AGAP1: variants seen among roughly 807,000 people sequenced by gnomAD.
The protein encoded by AGAP1 is ArfGAP with GTPase domain, ankyrin repeat and PH domain 1.
AGAP1 carries 29 observed loss-of-function variants against 105.3 expected under a neutral mutation model. The ratio of observed to expected loss-of-function variants is 0.28; its 90% CI spans 0.21 to 0.38. AGAP1 has a LOEUF of 0.38. Ranked by LOEUF, AGAP1 falls within the 10% of genes least tolerant of loss-of-function variation. The probability of loss-of-function intolerance (pLI) is 1.00; values close to 1 mark genes in which losing one functional copy is unlikely to be tolerated. For synonymous variants in AGAP1, 509 were observed against 485.9 expected, an observed-to-expected ratio of 1.05 and a Z score of -0.63; for missense variants, 998 against 1,165.1, an observed-to-expected ratio of 0.86 and a Z score of 2.09.
intron 1 of AGAP1, among the ~76,000 whole-genome samples, chr2:235,694,410 C>T (rs1212000643): frequency 6.8e-6 from 1 of 147,372 alleles, no homozygotes; most frequent in Non-Finnish European, 1.5e-5. Flanking sequence ...ACACGGGAGG[C>T]AGAGCTTGCA....
At chr2:235,564,116 T>C (rs1944260409) in intron 1 of AGAP1, among the ~76,000 whole-genome samples, 1 of 152,124 alleles carries the variant, frequency 6.6e-6, no homozygotes, top group Non-Finnish European at 1.5e-5. Flanking sequence ...TCAATGTACG[T>C]TTTTTCTTTA....
intron 1 of AGAP1, among the ~76,000 whole-genome samples, chr2:235,539,417 C>G (rs2149091640): frequency 6.6e-6 from 1 of 152,346 alleles, no homozygotes; most frequent in Non-Finnish European, 1.5e-5. Flanking sequence ...TGGGTCTCAT[C>G]CCTGCCTAGC....
chr2:236,031,075 G>A (rs1017922909), intron 13 of AGAP1, among the ~76,000 whole-genome samples: 1 of 152,184 alleles, frequency 6.6e-6, no homozygotes, highest in African/African-American at 2.4e-5. Context: ...AATTTGATAT[G>A]AGGACAAAGT....
chr2:235,700,347 C>T lies in AGAP1; in HGVS notation c.164-8832C>T, dbSNP rs962431746. Among the ~76,000 whole-genome samples the T allele has an allele frequency of 3.3e-5, 5 of 152,146 alleles. No individual in the cohort carries two copies. The highest frequency in any genetic ancestry group is 1.9e-4 in the East Asian group (1 of 5,198). On this transcript the variant is annotated intron_variant, in intron 1 of 17. Coordinates refer to ENST00000304032, the MANE Select transcript of AGAP1 (RefSeq NM_001037131.3). The surrounding 1 kb of genome is among the most constrained non-coding windows in gnomAD (Gnocchi z 6.1). ...AGGAAAGGGCAATTTTCTTCCTTGC[C>T]GTTTTGACTTTCAAATCCTCACGCC...
chr2:235,548,635 A>G (rs2149109802), intron 1 of AGAP1, among the ~76,000 whole-genome samples: 1 of 143,264 alleles, frequency 7.0e-6, no homozygotes, highest in East Asian at 2.1e-4. Context: ...CCTGGGCAAA[A>G]AGTGCGAAAC....
chr2:235,920,583 C>T (rs759154211), intron 11 of AGAP1, among the ~76,000 whole-genome samples: 1 of 152,156 alleles, frequency 6.6e-6, no homozygotes. Flanking sequence ...AAGCACTTCA[C>T]TAGTTGATGG....
rs1327581918 is a variant in AGAP1 at position 235,535,992 on chromosome 2, G to A, written c.163+41143G>A. ...CTCTCCCAGAGCCGGCCTCACCTTC[G>A]AGACTCATGCTACTAAGTTGTCTTT... On this transcript the variant is annotated intron_variant, in intron 1 of 17. Coordinates refer to ENST00000304032, the MANE Select transcript of AGAP1 (RefSeq NM_001037131.3). The surrounding 1 kb of genome is among the most constrained non-coding windows in gnomAD (Gnocchi z 5.1). Among the ~76,000 whole-genome samples, 1 of 151,922 alleles carries A rather than the reference G, an allele frequency of 6.6e-6. No individual in the cohort carries two copies. The highest frequency in any genetic ancestry group is 1.5e-5 in the Non-Finnish European group (1 of 68,002).
intron 1 of AGAP1, among the ~76,000 whole-genome samples, chr2:235,674,213 G>A (rs1303827886): frequency 2.0e-5 from 3 of 152,288 alleles, no homozygotes. Context: ...TCTGTGTAAG[G>A]CTTGCAACTG....
At chr2:236,094,806 G>A (rs755923797) in intron 16 of AGAP1, among the ~76,000 whole-genome samples, 4 of 151,744 alleles carry the variant, frequency 2.6e-5, no homozygotes, top group Non-Finnish European at 5.9e-5. Context: ...AAATTGATCT[G>A]GGCAACAGTG....
chr2:235,749,344 C>T (rs1164910189), intron 5 of AGAP1, among the ~76,000 whole-genome samples: 1 of 151,458 alleles, frequency 6.6e-6, no homozygotes, highest in East Asian at 1.9e-4. Flanking sequence ...ATGGATGGGG[C>T]AGGGCTGGGG....
At position 235,692,640 on chromosome 2, in the gene AGAP1, C is replaced by T. The variant is rs994622800; in HGVS notation, c.164-16539C>T. ...CAGTGCCTAGCCAGTGGGTTCCCCT[C>T]GCTGACCCTCAGCCCTCAGGCCCAG... is the stretch of plus-strand genomic sequence containing the variant. On this transcript the variant is annotated intron_variant, in intron 1 of 17. Coordinates refer to ENST00000304032, the MANE Select transcript of AGAP1 (RefSeq NM_001037131.3). This position sits in a 1 kb window ranked among gnomAD's most constrained non-coding sequence, Gnocchi z 5.8. 5.9e-5 allele frequency among the ~76,000 whole-genome samples: 9 copies of T among 152,084 alleles called. No homozygotes were observed. The highest frequency in any genetic ancestry group is 1.3e-4 in the Admixed American group (2 of 15,266).
intron 12 of AGAP1, among the ~76,000 whole-genome samples, chr2:235,943,497 A>G (rs567783992): frequency 3.3e-5 from 5 of 151,664 alleles, no homozygotes; most frequent in African/African-American, 9.7e-5. Context: ...TTACAGCCGC[A>G]TGCCACTATG....
chr2:235,594,484 T>A (rs974820026), intron 1 of AGAP1, among the ~76,000 whole-genome samples: 1 of 152,110 alleles, frequency 6.6e-6, no homozygotes, highest in African/African-American at 2.4e-5. Flanking sequence ...CTCTGATGGG[T>A]AGAGCATCTC....
rs1165357816 is a variant in AGAP1 at position 235,993,418 on chromosome 2, CAG to C, written c.1645+24796_1645+24797del. Among the ~76,000 whole-genome samples the C allele has an allele frequency of 1.3e-5, 2 of 152,224 alleles. No homozygotes were observed. The highest frequency in any genetic ancestry group is 4.1e-4 in the South Asian group (2 of 4,826). ...TCCTGGTGTCCCTGAAAGTCCAGCA[CAG>C]TGTGTGCACGTGGTATGTCCCTGAT... is the stretch of plus-strand genomic sequence containing the variant. On this transcript the variant is annotated intron_variant, in intron 13 of 17. Transcript: ENST00000304032. This position sits in a 1 kb window ranked among gnomAD's most constrained non-coding sequence, Gnocchi z 5.0.
At chr2:235,594,562 A>G (rs375510944) in intron 1 of AGAP1, among the ~76,000 whole-genome samples, 2 of 152,086 alleles carry the variant, frequency 1.3e-5, no homozygotes, top group African/African-American at 2.4e-5. Context: ...TGACAATATG[A>G]TGCGGAGTTT....
intron 9 of AGAP1, among the ~76,000 whole-genome samples, chr2:235,858,451 G>C (rs1297383288): frequency 6.6e-6 from 1 of 152,118 alleles, no homozygotes; most frequent in African/African-American, 2.4e-5. Context: ...TTTCAAGTTG[G>C]CAAATTGATG....
Position 235,957,375 on chromosome 2 carries a change from G to A in AGAP1, c.1484-11087G>A, listed in dbSNP as rs111640907. Among the ~76,000 whole-genome samples the A allele has an allele frequency of 3.3e-5, 5 of 152,040 alleles. No individual in the cohort carries two copies. Among genetic ancestry groups the A allele is most frequent in the Non-Finnish European group, 5.9e-5 (4 of 68,014 alleles). ...CTCCTATTGTATTCCTTTCCTCCCC[G>A]TTTTTATAACTCAGTCTAACACTGT... On this transcript the variant is annotated intron_variant, in intron 12 of 17. Coordinates refer to ENST00000304032, the MANE Select transcript of AGAP1 (RefSeq NM_001037131.3). This position sits in a 1 kb window ranked among gnomAD's most constrained non-coding sequence, Gnocchi z 4.6.
chr2:236,033,019 G>A (rs2057272043), intron 13 of AGAP1, among the ~76,000 whole-genome samples: 1 of 152,158 alleles, frequency 6.6e-6, no homozygotes, highest in Admixed American at 6.5e-5. Flanking sequence ...GCCAACGTGG[G>A]CGGATCACCT....
rs1217454655 is a variant in AGAP1 at position 235,700,990 on chromosome 2, ATATATGCTATAATATAGT to A, written c.164-8182_164-8165del. Reference sequence around the variant, plus strand: ...TGTATATATTATATATGTATATATTATATATGCTATAATATAGTTATATGTATATATTATATATGCTAT... The same window carrying A: ...TGTATATATTATATATGTATATATTATATATGTATATATTATATATGCTAT... On this transcript the variant is annotated intron_variant, in intron 1 of 17. Transcript: ENST00000304032. The surrounding 1 kb of genome is among the most constrained non-coding windows in gnomAD (Gnocchi z 6.1). Among the ~76,000 whole-genome samples the A allele has an allele frequency of 1.2e-5, 1 of 86,564 alleles. No individual in the cohort carries two copies. The highest frequency in any genetic ancestry group is 5.2e-4 in the East Asian group (1 of 1,906). 56.8% of individuals were successfully genotyped at this position (86,564 alleles called of 152,430 possible).
Sources: gnomAD v4.1 joint callset for allele counts (sites outside exome capture counted in the v4.1 genomes callset) on GRCh38, gnomAD v4.1.1 for gene constraint, Gnocchi (gnomAD v3.1) non-coding constraint, MANE v1.5 for transcripts, NCBI Gene and HGNC (gene_info 2026-07-23, HGNC 2026-07-21) for gene names.